The following DNAH8 variants were observed in gnomAD, a reference collection of about 807,000 sequenced individuals.
DNAH8 encodes the protein axonemal beta dynein heavy chain 8.
A neutral mutation model predicts 562.1 loss-of-function variants in DNAH8; 382 were observed. The ratio of observed to expected loss-of-function variants is 0.68; its 90% CI spans 0.63 to 0.74. The LOEUF (loss-of-function observed/expected upper bound fraction) is 0.74, where lower values mean the gene tolerates loss of function less well. DNAH8 is among the 30% of genes least tolerant of loss of function. The pLI is 0.00. For synonymous variants in DNAH8, 1,881 were observed against 1,919.4 expected, an observed-to-expected ratio of 0.98 and a Z score of 0.52; for missense variants, 5,203 against 5,620.4, an observed-to-expected ratio of 0.93 and a Z score of 2.37.
chr6:38,730,081 A>G (rs1292076991), intron 4 of DNAH8, 95 bp downstream of exon 4: 2 of 618,426 alleles, frequency 3.2e-6, no homozygotes, highest in Admixed American at 3.2e-5. Context: ...TCCTTTATTT[A>G]TAAAGAAAAT....
intron 77 of DNAH8, 27 bp from the exon 78 acceptor site, chr6:38,937,947 C>G (rs1465103853): frequency 1.2e-6 from 2 of 1,609,494 alleles, no homozygotes; most frequent in Non-Finnish European, 8.5e-7. Context: ...GTCTTGTGTA[C>G]TACGGTTTTC....
intron 58 of DNAH8, among the ~76,000 whole-genome samples, chr6:38,891,554 T>C (rs1003891498): frequency 4.6e-5 from 7 of 152,182 alleles, no homozygotes; most frequent in African/African-American, 1.7e-4. Context: ...AAGAGGAATT[T>C]GGGGGTTTCT....
At chr6:38,899,713 G>A in intron 61 of DNAH8, 63 bp from the exon 62 acceptor site, 2 of 1,583,006 alleles carry the variant, frequency 1.3e-6, no homozygotes, top group Non-Finnish European at 8.6e-7. Context: ...GGCTCATTTA[G>A]TGCAAGAAAA....
chr6:38,768,343 C>T (rs756251013), intron 11 of DNAH8, among the ~76,000 whole-genome samples: 7 of 152,160 alleles, frequency 4.6e-5, no homozygotes, highest in Non-Finnish European at 1.0e-4. Flanking sequence ...ATCAAGTTCA[C>T]TGCCTCCTTG....
chr6:38,938,690 T>G (rs1783180092), intron 78 of DNAH8, 108 bp from the exon 79 acceptor site: 3 of 715,632 alleles, frequency 4.2e-6, no homozygotes, highest in Non-Finnish European at 6.9e-6. Flanking sequence ...CAAACCACCA[T>G]GACATAGGTT....
chr6:39,028,919 A>C (rs1161255720), intron 92 of DNAH8, among the ~76,000 whole-genome samples: 1 of 143,462 alleles, frequency 7.0e-6, no homozygotes, highest in African/African-American at 2.9e-5. Flanking sequence ...GGGATTCCAG[A>C]AACACTTTGC....
At chr6:38,805,733 AATTTT>A in intron 23 of DNAH8, 137 bp downstream of exon 23, 1 of 544,040 alleles carries the variant, frequency 1.8e-6, no homozygotes, top group Non-Finnish European at 3.2e-6. Context: ...TATAATTTTC[AATTTT>A]ATACTGTAGG....
chr6:38,883,925 C>A lies in DNAH8; in HGVS notation c.8186C>A (p.Pro2729Gln). Reference protein sequence around the residue: ...VDKRIGSTYGPPGGRKMTVFI... With the variant: ...VDKRIGSTYGQPGGRKMTVFI... Reference sequence around the variant, plus strand: ...AAGCGAATTGGAAGCACATATGGGCCACCAGGAGGGAGAAAAATGACTGTA... The same window carrying A: ...AAGCGAATTGGAAGCACATATGGGCAACCAGGAGGGAGAAAAATGACTGTA... The change falls in exon 56 of 93, where the codon CCA (proline) becomes CAA (glutamine). Residue 2729 changes from proline to glutamine, a missense_variant. This residue lies in a region of DNAH8 where 977 missense variants were observed against 1,061.8 expected (regional missense o/e 0.92). Transcript: ENST00000327475. 6.3e-7 allele frequency: 1 copy of A among 1,591,846 alleles called. No individual in the cohort carries two copies. Among genetic ancestry groups the A allele is most frequent in the Non-Finnish European group, 8.6e-7 (1 of 1,167,630 alleles).
Position 38,715,430 on chromosome 6 carries a change from G to C in DNAH8, c.-35+15G>C, listed in dbSNP as rs1017486227. 2 of 152,348 alleles carry C rather than the reference G, an allele frequency of 1.3e-5. No individual in the cohort carries two copies. Among genetic ancestry groups the C allele is most frequent in the Non-Finnish European group, 2.9e-5 (2 of 68,124 alleles). 9.4% of individuals were successfully genotyped at this position (152,348 alleles called of 1,614,324 possible). Reference sequence around the variant, plus strand: ...GAGAGCGGCTGGTGAGTACTTGGTCGGAGCGCGCTGTGAGCGCCCGGCCCC... The same window carrying C: ...GAGAGCGGCTGGTGAGTACTTGGTCCGAGCGCGCTGTGAGCGCCCGGCCCC... On this transcript the variant is annotated intron_variant, in intron 1 of 92. Coordinates refer to ENST00000327475, the MANE Select transcript of DNAH8 (RefSeq NM_001206927.2).
chr6:38,832,291 C>T, intron 30 of DNAH8, 31 bp from the exon 31 acceptor site: 1 of 1,401,264 alleles, frequency 7.1e-7, no homozygotes, highest in Non-Finnish European at 1.0e-6. Flanking sequence ...GTTACTTTCA[C>T]TCTCAGGTTG....
intron 80 of DNAH8, among the ~76,000 whole-genome samples, chr6:38,947,058 C>T (rs918674769): frequency 4.6e-5 from 7 of 152,180 alleles, no homozygotes; most frequent in Non-Finnish European, 8.8e-5. Context: ...CACAGAAGGG[C>T]AGAGTTATTG....
chr6:38,812,679 G>A (rs1316065478), intron 24 of DNAH8, among the ~76,000 whole-genome samples: 1 of 152,022 alleles, frequency 6.6e-6, no homozygotes, highest in Non-Finnish European at 1.5e-5. Context: ...TGTATGTTTA[G>A]ATGCAGGTGG....
At position 38,912,116 on chromosome 6, in the gene DNAH8, G is replaced by A. The variant is rs75892651; in HGVS notation, c.9859+530G>A. Among the ~76,000 whole-genome samples the A allele has an allele frequency of 1.9e-4, 29 of 152,266 alleles. No individual in the cohort carries two copies. In the East Asian group the frequency reaches 5.6e-3, roughly 29 times the overall value. On this transcript the variant is annotated intron_variant, in intron 66 of 92. Coordinates refer to ENST00000327475, the MANE Select transcript of DNAH8 (RefSeq NM_001206927.2). ...TTGGAAGAGATTATATGTCCAGAAA[G>A]CATGTGGCCCAAACAATCTAAAACA... is the stretch of plus-strand genomic sequence containing the variant.
chr6:38,721,328 T>TAATA (rs1554191733), intron 1 of DNAH8, among the ~76,000 whole-genome samples: 2 of 112,992 alleles, frequency 1.8e-5, no homozygotes, highest in Admixed American at 1.1e-4. Context: ...AAAATAAAAA[T>TAATA]AATAAACAAA....
chr6:39,026,970 T>C lies in DNAH8; in HGVS notation c.13836+303T>C, dbSNP rs533625492. ...GTGCGGTGGCTCATGCCTATAATCC[T>C]AGCACTTTGGGAGGCTGAGGCAGGA... On this transcript the variant is annotated intron_variant, in intron 92 of 92. Transcript: ENST00000327475. Among the ~76,000 whole-genome samples the C allele has an allele frequency of 2.0e-5, 3 of 152,258 alleles. No individual in the cohort carries two copies. In the East Asian group the frequency reaches 5.8e-4, roughly 29 times the overall value.
At chr6:38,939,737 T>A (rs1271706881) in intron 79 of DNAH8, among the ~76,000 whole-genome samples, 1 of 152,162 alleles carries the variant, frequency 6.6e-6, no homozygotes, top group Non-Finnish European at 1.5e-5. Context: ...GGGGAACTAT[T>A]TGGTACGTGG....
At chr6:38,917,165 A>T in intron 68 of DNAH8, 74 bp from the exon 69 acceptor site, 1 of 1,064,592 alleles carries the variant, frequency 9.4e-7, no homozygotes, top group Non-Finnish European at 1.3e-6. Context: ...TTAATTATTG[A>T]AAAGTATTAG....
chr6:38,912,586 G>C (rs1160504680), intron 66 of DNAH8, among the ~76,000 whole-genome samples: 1 of 152,166 alleles, frequency 6.6e-6, no homozygotes, highest in Non-Finnish European at 1.5e-5. Context: ...TCATGATTCA[G>C]CTTCTTGCAG....
At position 38,944,711 on chromosome 6, in the gene DNAH8, C is replaced by T. The variant is rs902334497; in HGVS notation, c.12008-756C>T. 3.2e-4 allele frequency among the ~76,000 whole-genome samples: 48 copies of T among 152,324 alleles called. 1 individual carries two copies. The highest frequency in any genetic ancestry group is 2.5e-3 in the Admixed American group (39 of 15,308). On this transcript the variant is annotated intron_variant, in intron 79 of 92. Coordinates refer to ENST00000327475, the MANE Select transcript of DNAH8 (RefSeq NM_001206927.2). Reference sequence around the variant, plus strand: ...TAACTCATTCTCCACTGGACTCAAGCTCTGTAAAAGCAAGGGCCTGGTTGG... The same window carrying T: ...TAACTCATTCTCCACTGGACTCAAGTTCTGTAAAAGCAAGGGCCTGGTTGG...
Sources: gnomAD v4.1 joint callset for allele counts (sites outside exome capture counted in the v4.1 genomes callset) on GRCh38, gnomAD v4.1.1 for gene constraint, gnomAD v4.1.1 regional missense constraint, MANE v1.5 for transcripts, NCBI Gene and HGNC (gene_info 2026-07-23, HGNC 2026-07-21) for gene names.